Variants in TTC28 observed in about 807,000 individuals in gnomAD.
TTC28 encodes the protein tetratricopeptide repeat protein 28.
In TTC28, 61 loss-of-function variants were observed where a neutral mutation model predicts 198.0. That is an observed-to-expected ratio of 0.31 (90% CI 0.25 to 0.38). The LOEUF is 0.38. TTC28 is among the 10% of genes least tolerant of loss of function. The pLI, the probability that TTC28 is intolerant of heterozygous loss-of-function variation, is 1.00. For missense variants in TTC28, 2,678 were observed against 3,164.0 expected, an observed-to-expected ratio of 0.85 and a Z score of 3.69; for synonymous variants, 1,171 against 1,297.8, an observed-to-expected ratio of 0.90 and a Z score of 2.10.
At chr22:28,246,758 C>T (rs913094509) in intron 5 of TTC28, among the ~76,000 whole-genome samples, 13 of 152,094 alleles carry the variant, frequency 8.5e-5, no homozygotes, top group Non-Finnish European at 1.9e-4. Context: ...AGGTCTCTGA[C>T]TTCAAAGCTC....
At chr22:28,451,654 T>G (rs2047779453) in intron 2 of TTC28, among the ~76,000 whole-genome samples, 1 of 152,220 alleles carries the variant, frequency 6.6e-6, no homozygotes, top group Admixed American at 6.5e-5. Context: ...TCCATGAACC[T>G]ATCAACAATG....
intron 5 of TTC28, among the ~76,000 whole-genome samples, chr22:28,220,151 A>G (rs530359173): frequency 1.3e-5 from 2 of 152,330 alleles, no homozygotes; most frequent in East Asian, 3.9e-4. Context: ...TTAGTAGGAG[A>G]GAGAAAAATT....
intron 6 of TTC28, among the ~76,000 whole-genome samples, 178 bp from the exon 7 acceptor site, chr22:28,108,581 T>A (rs1280621718): frequency 1.3e-5 from 2 of 151,186 alleles, no homozygotes; most frequent in South Asian, 4.3e-4. Flanking sequence ...ATAGCTTAAG[T>A]TTCAAAGCAA....
At chr22:28,362,237 T>C (rs2046170626) in intron 2 of TTC28, among the ~76,000 whole-genome samples, 1 of 152,078 alleles carries the variant, frequency 6.6e-6, no homozygotes, top group South Asian at 2.1e-4. Context: ...GCTGTTCTCA[T>C]GATAGTGAAT....
At chr22:28,055,135 G>GA in intron 12 of TTC28, among the ~76,000 whole-genome samples, 1 of 152,274 alleles carries the variant, frequency 6.6e-6, no homozygotes, top group East Asian at 1.9e-4. Flanking sequence ...AAAAAGCAGT[G>GA]AAAAACAGGT....
intron 2 of TTC28, among the ~76,000 whole-genome samples, chr22:28,495,729 T>TCC (rs2048445889): frequency 6.6e-6 from 1 of 152,142 alleles, no homozygotes. Flanking sequence ...ATCAGAAGGC[T>TCC]CCAGCCCAGA....
chr22:28,395,892 A>G (rs2046808112), intron 2 of TTC28, among the ~76,000 whole-genome samples: 1 of 152,224 alleles, frequency 6.6e-6, no homozygotes, highest in South Asian at 2.1e-4. Flanking sequence ...CAGGAAAGGC[A>G]TTTATAAATT....
intron 6 of TTC28, among the ~76,000 whole-genome samples, chr22:28,128,699 C>T (rs972106795): frequency 5.3e-4 from 80 of 151,962 alleles, no homozygotes; most frequent in African/African-American, 1.8e-3. Flanking sequence ...CCACCATGCC[C>T]GGCTAATTTT....
At chr22:28,194,864 G>A (rs1468914678) in intron 5 of TTC28, among the ~76,000 whole-genome samples, 12 of 86,896 alleles carry the variant, frequency 1.4e-4, no homozygotes, top group African/African-American at 6.5e-4. Context: ...GGTACAAAGA[G>A]GAGTTGGTAC....
chr22:28,615,184 C>A (rs1439416072), intron 2 of TTC28, among the ~76,000 whole-genome samples: 1 of 152,146 alleles, frequency 6.6e-6, no homozygotes, highest in African/African-American at 2.4e-5. Context: ...ATGCAGCCAA[C>A]AGTTACATGA....
intron 1 of TTC28, 106 bp downstream of exon 1, chr22:28,679,516 C>A: frequency 1.8e-6 from 1 of 552,872 alleles, no homozygotes; most frequent in Non-Finnish European, 2.8e-6. Flanking sequence ...GACTGCGAGA[C>A]GCCTTCCGCC....
intron 12 of TTC28, among the ~76,000 whole-genome samples, chr22:28,039,495 G>A (rs1258030964): frequency 9.3e-6 from 1 of 107,074 alleles, no homozygotes; most frequent in Non-Finnish European, 1.7e-5. Flanking sequence ...ACAGGAAGGG[G>A]AACATCACAA....
chr22:28,092,307 C>A (rs5762474), intron 12 of TTC28, among the ~76,000 whole-genome samples: 1 of 152,092 alleles, frequency 6.6e-6, no homozygotes, highest in Non-Finnish European at 1.5e-5. Context: ...AGTTCTGGGA[C>A]AGTAGGGGCT....
intron 12 of TTC28, among the ~76,000 whole-genome samples, chr22:28,057,419 C>G (rs1940331906): frequency 6.6e-6 from 1 of 152,066 alleles, no homozygotes; most frequent in African/African-American, 2.4e-5. Flanking sequence ...TGTGCACACT[C>G]TCATTCACAA....
At chr22:28,024,157 A>T (rs758865591) in intron 13 of TTC28, among the ~76,000 whole-genome samples, 15 of 151,888 alleles carry the variant, frequency 9.9e-5, no homozygotes, top group Non-Finnish European at 1.9e-4. Flanking sequence ...CTGGGAGGGG[A>T]GAGGGCATGG....
intron 2 of TTC28, among the ~76,000 whole-genome samples, chr22:28,395,042 T>C (rs950821068): frequency 2.6e-5 from 4 of 152,194 alleles, no homozygotes; most frequent in Non-Finnish European, 4.4e-5. Context: ...CATACTTTTA[T>C]CTTTAATTTC....
Position 28,096,183 on chromosome 22 carries a change from A to G in TTC28, c.3766+7T>C, listed in dbSNP as rs1482210455. 5.9e-6 allele frequency: 9 copies of G among 1,535,486 alleles called. No individual in the cohort carries two copies. Among genetic ancestry groups the G allele is most frequent in the Non-Finnish European group, 7.9e-6 (9 of 1,137,520 alleles). ...AATTGCCCTGTTCCCACAGAAAGAG[A>G]TCTTACCTGCCCCAGGAGCCAGCAG... On this transcript the variant is annotated splice_region_variant and intron_variant, in intron 11 of 22. Transcript: ENST00000397906.
chr22:28,398,284 G>A (rs2046848304), intron 2 of TTC28, among the ~76,000 whole-genome samples: 1 of 152,040 alleles, frequency 6.6e-6, no homozygotes, highest in Non-Finnish European at 1.5e-5. Flanking sequence ...ACACAAAGAG[G>A]GGGCCAGAGG....
intron 5 of TTC28, among the ~76,000 whole-genome samples, chr22:28,201,857 G>A (rs200683180): frequency 6.6e-6 from 1 of 151,968 alleles, no homozygotes; most frequent in East Asian, 1.9e-4. Context: ...GCCTGAACAG[G>A]GGTGATGGCC....
Sources: gnomAD v4.1 joint callset for allele counts (sites outside exome capture counted in the v4.1 genomes callset) on GRCh38, gnomAD v4.1.1 for gene constraint, MANE v1.5 for transcripts, NCBI Gene and HGNC (gene_info 2026-07-23, HGNC 2026-07-21) for gene names.